The following NDC1 variants were observed in gnomAD, a reference collection of about 807,000 sequenced individuals.
The protein encoded by NDC1 is nucleoporin NDC1.
A neutral mutation model predicts 89.8 loss-of-function variants in NDC1; 24 were observed. That is an observed-to-expected ratio of 0.27 (90% CI 0.19 to 0.38). The LOEUF (loss-of-function observed/expected upper bound fraction) is 0.38. Among genes scored for constraint, NDC1 ranks in the 10% least tolerant of loss-of-function variants. The probability of loss-of-function intolerance (pLI) is 1.00; values close to 1 mark genes in which losing one functional copy is unlikely to be tolerated. For synonymous variants in NDC1, 296 were observed against 284.8 expected (o/e 1.04, Z -0.39); for missense variants, 728 against 797.6 (o/e 0.91, Z 1.05).
intron 17 of NDC1, among the ~76,000 whole-genome samples, chr1:53,769,502 CAT>C (rs1647094557): frequency 6.6e-6 from 1 of 152,166 alleles, no homozygotes; most frequent in South Asian, 2.1e-4. Flanking sequence ...AATCCCATAA[CAT>C]ATGTTATAAA....
chr1:53,790,579 C>T (rs564387526), intron 14 of NDC1, among the ~76,000 whole-genome samples: 1 of 143,046 alleles, frequency 7.0e-6, no homozygotes, highest in South Asian at 2.3e-4. Flanking sequence ...TGGTGGCGCA[C>T]GCCTGTAGTC....
rs762527996 is a variant in NDC1, at chr1:53,809,719, G to A, written c.731C>T (p.Thr244Ile). The A allele has an allele frequency of 3.7e-6, 6 of 1,612,326 alleles. No individual in the cohort carries two copies. The highest frequency in any genetic ancestry group is 2.2e-5 in the South Asian group (2 of 90,982). ...CTCATCTATGTGAAGGTTCATAGCA[G>A]TGCTAATCCAAGCTTTGGGAATATA... is the stretch of plus-strand genomic sequence containing the variant. ...LGYIPKAWIS[T>I]AMNLHIDEQV... Residue 244 changes from threonine to isoleucine, a missense_variant, in exon 7 of 18, where the codon ACT (threonine) becomes ATT (isoleucine). Physicochemically the swap from Thr to Ile is moderately conservative, Grantham distance 89. Transcript: ENST00000371429.
In NDC1 at chr1:53,831,037, T is replaced by C. The variant is rs368180094; in HGVS notation, c.280+1453A>G. On this transcript the variant is annotated intron_variant, in intron 3 of 17. Coordinates refer to ENST00000371429, the MANE Select transcript of NDC1 (RefSeq NM_018087.5). ...GAGATTGAGACCATCCTGGCTAACA[T>C]GGTGAAACCCCGTCTCTACTAAAAA... Among the ~76,000 whole-genome samples, 86 of 152,008 alleles carry C rather than the reference T, an allele frequency of 5.7e-4. 1 individual carries two copies. In the East Asian group the frequency reaches 0.012, roughly 22 times the overall value.
chr1:53,836,026 A>G (rs1178430083), intron 1 of NDC1, among the ~76,000 whole-genome samples: 1 of 152,216 alleles, frequency 6.6e-6, no homozygotes, highest in Non-Finnish European at 1.5e-5. Flanking sequence ...CAACTACGGC[A>G]CTGTAGCATT....
At chr1:53,827,030 C>T (rs991753783) in intron 4 of NDC1, among the ~76,000 whole-genome samples, 1 of 152,116 alleles carries the variant, frequency 6.6e-6, no homozygotes, top group Non-Finnish European at 1.5e-5. Context: ...ATGGTGAGCA[C>T]TTGGGATTTC....
Position 53,825,789 on chromosome 1 carries a change from T to C in NDC1, c.594+9A>G. ...ATTTTGACATCAAGTAATGCTCAAA[T>C]GATCTTACCTGTATGATGGGAAATG... On this transcript the variant is annotated intron_variant, in intron 5 of 17. Transcript: ENST00000371429. The C allele has an allele frequency of 6.4e-7, 1 of 1,565,726 alleles. No individual in the cohort carries two copies. The highest frequency in any genetic ancestry group is 1.2e-5 in the South Asian group (1 of 80,292).
In NDC1 at chr1:53,825,913, G is replaced by GCTC; in HGVS notation, c.478_479insGAG (p.Thr160delinsArgAla). Reference sequence around the variant, plus strand: ...AAAAAGATGATATTCATTTAAGCAGGTTTGCGCAGCAGGGCTACCAAAGCT... The same window carrying GCTC: ...AAAAAGATGATATTCATTTAAGCAGGCTCTTTGCGCAGCAGGGCTACCAAAGCT... On this transcript the variant is annotated protein_altering_variant, in exon 5 of 18. Transcript: ENST00000371429. 1 of 1,612,192 alleles carries GCTC rather than the reference G, an allele frequency of 6.2e-7. No individual in the cohort carries two copies. Among genetic ancestry groups the GCTC allele is most frequent in the South Asian group, 1.1e-5 (1 of 90,436 alleles).
chr1:53,790,016 T>C (rs1048264523), intron 14 of NDC1, among the ~76,000 whole-genome samples: 2 of 151,604 alleles, frequency 1.3e-5, no homozygotes, highest in African/African-American at 2.4e-5. Context: ...GGCAGGAGAA[T>C]TGCTTGAATC....
intron 16 of NDC1, among the ~76,000 whole-genome samples, chr1:53,783,498 C>G (rs189121588): frequency 6.6e-6 from 1 of 152,118 alleles, no homozygotes; most frequent in Non-Finnish European, 1.5e-5. Context: ...CTCTTTGCCT[C>G]GTTCTACTCT....
chr1:53,772,550 G>A, intron 16 of NDC1, 61 bp from the exon 17 acceptor site: 2 of 1,527,266 alleles, frequency 1.3e-6, no homozygotes, highest in Non-Finnish European at 1.8e-6. Context: ...TAGGCCAGGT[G>A]CTGTGGCTCA....
intron 9 of NDC1, among the ~76,000 whole-genome samples, chr1:53,805,544 T>C (rs552093681): frequency 6.6e-6 from 1 of 152,348 alleles, no homozygotes; most frequent in Non-Finnish European, 1.5e-5. Context: ...ACTGTAGATC[T>C]AGTTTAAAAT....
chr1:53,788,155 G>A (rs538161329), intron 15 of NDC1, among the ~76,000 whole-genome samples: 1 of 152,240 alleles, frequency 6.6e-6, no homozygotes, highest in African/African-American at 2.4e-5. Flanking sequence ...TTAGCTGGGC[G>A]TGGTGGCATG....
At chr1:53,821,505 A>G (rs573707305) in intron 5 of NDC1, among the ~76,000 whole-genome samples, 325 of 152,302 alleles carry the variant, frequency 2.1e-3, no homozygotes, top group Middle Eastern at 6.8e-3. Context: ...ATATTGCTTC[A>G]ATTATATTGG....
In NDC1 at chr1:53,772,482, T is replaced by C; in HGVS notation, c.1808A>G (p.Asp603Gly). The C allele has an allele frequency of 6.2e-7, 1 of 1,613,078 alleles. No individual in the cohort carries two copies. The highest frequency in any genetic ancestry group is 8.5e-7 in the Non-Finnish European group (1 of 1,179,364). ...AGCATGAGGAAGCTTAAAGTACTTG[T>C]CGACTGCCTACACCAAGAAAGAAAA... ...NTLLTLQEAV[D>G]KYFKLPHASS... Residue 603 changes from aspartate to glycine, a missense_variant, in exon 17 of 18, where the codon GAC becomes GGC. By Grantham distance (94) the Asp-to-Gly change is moderately conservative. Transcript: ENST00000371429.
chr1:53,836,451 CAAAAAAA>C (rs1245566049), intron 1 of NDC1, among the ~76,000 whole-genome samples: 4 of 94,166 alleles, frequency 4.2e-5, no homozygotes, highest in Admixed American at 1.2e-4. Flanking sequence ...CTCTGTCTAA[CAAAAAAA>C]AAAAAAAAAA....
intron 10 of NDC1, 105 bp from the exon 11 acceptor site, chr1:53,800,953 G>GTC (rs1158919058): frequency 1.9e-6 from 2 of 1,065,816 alleles, no homozygotes; most frequent in Non-Finnish European, 2.7e-6. Flanking sequence ...CTTGGCATCA[G>GTC]GACCCACTTT....
chr1:53,787,664 G>GATAA (rs56823781), intron 15 of NDC1, among the ~76,000 whole-genome samples: 9,585 of 146,762 alleles, frequency 0.065, 430 homozygotes, highest in African/African-American at 0.13. Flanking sequence ...TAAATAAATA[G>GATAA]ATAAATAAAT....
intron 5 of NDC1, among the ~76,000 whole-genome samples, chr1:53,819,590 G>A (rs989418196): frequency 2.0e-5 from 3 of 152,208 alleles, no homozygotes; most frequent in Admixed American, 2.0e-4. Context: ...TATCAATCCA[G>A]GCAGGCTGGC....
intron 17 of NDC1, among the ~76,000 whole-genome samples, chr1:53,769,173 C>A (rs966432268): frequency 6.6e-6 from 1 of 152,184 alleles, no homozygotes; most frequent in South Asian, 2.1e-4. Flanking sequence ...CAGAGCAAGA[C>A]CCTGACTCAA....
Sources: gnomAD v4.1 joint callset for allele counts (sites outside exome capture counted in the v4.1 genomes callset) on GRCh38, gnomAD v4.1.1 for gene constraint, MANE v1.5 for transcripts, NCBI Gene and HGNC (gene_info 2026-07-23, HGNC 2026-07-21) for gene names.